ARHGEF28: variants seen among roughly 807,000 people sequenced by gnomAD.
The protein encoded by ARHGEF28 is 190 kDa guanine nucleotide exchange factor.
In ARHGEF28, 152 loss-of-function variants were observed where a neutral mutation model predicts 206.6. The ratio of observed to expected loss-of-function variants is 0.74; its 90% CI spans 0.64 to 0.84. The LOEUF (loss-of-function observed/expected upper bound fraction) is 0.84, where lower values mean the gene tolerates loss of function less well. Ranked by LOEUF, ARHGEF28 falls within the 40% of genes least tolerant of loss-of-function variation. The probability of loss-of-function intolerance (pLI) is 0.00; values close to 1 mark genes in which losing one functional copy is unlikely to be tolerated. For synonymous variants in ARHGEF28, 763 were observed against 776.4 expected (o/e 0.98, Z 0.29); for missense variants, 2,028 against 2,073.2 (o/e 0.98, Z 0.42).
intron 2 of ARHGEF28, among the ~76,000 whole-genome samples, chr5:73,747,676 C>G (rs1214423122): frequency 6.6e-6 from 1 of 152,030 alleles, no homozygotes; most frequent in Non-Finnish European, 1.5e-5. Context: ...TTCTGGTTAC[C>G]ATATAAGAGA....
chr5:73,655,198 C>A (rs182576940), intron 1 of ARHGEF28, among the ~76,000 whole-genome samples: 1 of 152,166 alleles, frequency 6.6e-6, no homozygotes. Flanking sequence ...GAACAAAAGT[C>A]CATATTTTCT....
chr5:73,868,736 T>G (rs1325377146), intron 20 of ARHGEF28, among the ~76,000 whole-genome samples: 2 of 151,826 alleles, frequency 1.3e-5, no homozygotes, highest in African/African-American at 4.8e-5. Context: ...AACCTCGAGC[T>G]CCCAGGTTCA....
chr5:73,795,500 T>C, intron 9 of ARHGEF28, 109 bp downstream of exon 9: 1 of 976,216 alleles, frequency 1.0e-6, no homozygotes, highest in South Asian at 1.5e-5. Flanking sequence ...CTGGTAACCT[T>C]ATCTATTTCC....
chr5:73,894,969 G>T (rs911110667), intron 29 of ARHGEF28, among the ~76,000 whole-genome samples: 7 of 152,064 alleles, frequency 4.6e-5, no homozygotes, highest in African/African-American at 1.7e-4. Flanking sequence ...GCATGGAAGT[G>T]CCAGGCTCGC....
At chr5:73,862,597 C>T (rs1409417620) in intron 16 of ARHGEF28, among the ~76,000 whole-genome samples, 1 of 152,072 alleles carries the variant, frequency 6.6e-6, no homozygotes, top group African/African-American at 2.4e-5. Flanking sequence ...CTTTTAATGT[C>T]AACTAATAGT....
Position 73,894,565 on chromosome 5 carries a change from A to G in ARHGEF28, c.3831A>G (p.Ala1277=). The part of the protein sequence containing the change: ...PPQAASLLAA[A]LKEAESLQVA... ...AGGCAGCCTCATTACTGGCAGCAGC[A>G]CTGAAAGAAGGTAAACTGCTGTGAG... The change falls in exon 29 of 36, where the codon GCA becomes GCG. Residue 1277 remains alanine, a synonymous_variant. Coordinates refer to ENST00000513042, the MANE Select transcript of ARHGEF28 (RefSeq NM_001177693.2). The G allele has an allele frequency of 6.2e-7, 1 of 1,613,502 alleles. No homozygotes were observed. Among genetic ancestry groups the G allele is most frequent in the East Asian group, 2.2e-5 (1 of 44,866 alleles).
At chr5:73,864,720 T>G (rs1056741794) in intron 16 of ARHGEF28, 97 bp from the exon 17 acceptor site, 1 of 1,066,238 alleles carries the variant, frequency 9.4e-7, no homozygotes, top group Non-Finnish European at 1.4e-6. Context: ...TGTTTATGTG[T>G]TTTTTTATAA....
At chr5:73,842,312 C>T (rs1303471967) in intron 11 of ARHGEF28, among the ~76,000 whole-genome samples, 2 of 152,072 alleles carry the variant, frequency 1.3e-5, no homozygotes, top group Non-Finnish European at 2.9e-5. Flanking sequence ...TGAACATGCA[C>T]ATAGGTGAAT....
intron 12 of ARHGEF28, among the ~76,000 whole-genome samples, chr5:73,848,536 T>C (rs1758506275): frequency 6.6e-6 from 1 of 152,190 alleles, no homozygotes; most frequent in Non-Finnish European, 1.5e-5. Context: ...CTCTTATAAT[T>C]GTAAGTGGCT....
intron 2 of ARHGEF28, among the ~76,000 whole-genome samples, chr5:73,717,826 T>C (rs760035198): frequency 1.3e-5 from 2 of 152,176 alleles, no homozygotes; most frequent in East Asian, 1.9e-4. Context: ...CTGTTGGACA[T>C]GGAAATGATG....
At chr5:73,785,634 C>T (rs1320956256) in intron 7 of ARHGEF28, among the ~76,000 whole-genome samples, 1 of 152,204 alleles carries the variant, frequency 6.6e-6, no homozygotes, top group African/African-American at 2.4e-5. Context: ...CTGAGAACAA[C>T]TACAGTACCA....
chr5:73,936,894 T>G (rs1764451641), intron 35 of ARHGEF28, among the ~76,000 whole-genome samples: 1 of 152,152 alleles, frequency 6.6e-6, no homozygotes, highest in African/African-American at 2.4e-5. Flanking sequence ...ATATGACACA[T>G]AGTTGCATTT....
chr5:73,838,605 A>G lies in ARHGEF28; in HGVS notation c.1147-1875A>G, dbSNP rs188107237. Among the ~76,000 whole-genome samples the G allele has an allele frequency of 5.1e-4, 78 of 152,328 alleles. 1 individual carries two copies. The highest frequency in any genetic ancestry group is 1.9e-3 in the African/African-American group (78 of 41,580). ...CAAATTCCTCAAATGGTAATATTTTACTACATTTTACATTGTCATTCCCTG... is the reference window on the plus strand; with the variant it reads ...CAAATTCCTCAAATGGTAATATTTTGCTACATTTTACATTGTCATTCCCTG... On this transcript the variant is annotated intron_variant, in intron 10 of 35. Coordinates refer to ENST00000513042, the MANE Select transcript of ARHGEF28 (RefSeq NM_001177693.2).
intron 1 of ARHGEF28, among the ~76,000 whole-genome samples, chr5:73,667,501 G>A (rs1329560104): frequency 2.0e-5 from 3 of 152,162 alleles, no homozygotes; most frequent in African/African-American, 7.2e-5. Flanking sequence ...GACCTGTGAT[G>A]AAAGAAGGTG....
Position 73,893,191 on chromosome 5 carries a change from T to A in ARHGEF28, c.3567-6T>A, listed in dbSNP as rs1220760659. 6.5e-7 allele frequency: 1 copy of A among 1,544,072 alleles called. No homozygotes were observed. Among genetic ancestry groups the A allele is most frequent in the African/African-American group, 1.4e-5 (1 of 72,934 alleles). ...AGTTGTGTCTCTTGACTATTGTCTT[T>A]TAAAGTTGTCCTGAAGAAAAAGGGG... On this transcript the variant is annotated splice_region_variant and splice_polypyrimidine_tract_variant and intron_variant, in intron 27 of 35. Coordinates refer to ENST00000513042, the MANE Select transcript of ARHGEF28 (RefSeq NM_001177693.2).
chr5:73,885,189 G>A (rs890188591), intron 24 of ARHGEF28, among the ~76,000 whole-genome samples: 1 of 152,076 alleles, frequency 6.6e-6, no homozygotes, highest in Admixed American at 6.6e-5. Context: ...GTTTCTGAAA[G>A]CATTGCTGGC....
At chr5:73,677,511 T>A (rs144344300) in intron 1 of ARHGEF28, among the ~76,000 whole-genome samples, 15 of 152,334 alleles carry the variant, frequency 9.8e-5, no homozygotes, top group Non-Finnish European at 2.9e-5. Flanking sequence ...ATGTGAAAAA[T>A]TCAGAATTTC....
intron 1 of ARHGEF28, among the ~76,000 whole-genome samples, chr5:73,641,463 A>G (rs1228610635): frequency 6.6e-6 from 1 of 151,550 alleles, no homozygotes; most frequent in African/African-American, 2.4e-5. Flanking sequence ...ATTTATAACA[A>G]TAACACTCTT....
chr5:73,694,199 G>A (rs562291542), intron 2 of ARHGEF28, among the ~76,000 whole-genome samples: 23 of 152,116 alleles, frequency 1.5e-4, no homozygotes, highest in Non-Finnish European at 1.8e-4. Context: ...CCCTCCTACT[G>A]TCACAACTGA....
Sources: gnomAD v4.1 joint callset for allele counts (sites outside exome capture counted in the v4.1 genomes callset) on GRCh38, gnomAD v4.1.1 for gene constraint, MANE v1.5 for transcripts, NCBI Gene and HGNC (gene_info 2026-07-23, HGNC 2026-07-21) for gene names.